Variants in CASP10 observed in about 807,000 individuals in gnomAD.
The protein encoded by CASP10 is caspase 10.
CASP10 carries 41 observed loss-of-function variants against 48.5 expected under a neutral mutation model. That is an observed-to-expected ratio of 0.85 (90% CI 0.66 to 1.10). The LOEUF is 1.10. Among genes scored for constraint, CASP10 ranks in the 50% least tolerant of loss-of-function variants. The probability of loss-of-function intolerance (pLI) is 0.00; values close to 1 mark genes in which losing one functional copy is unlikely to be tolerated. For missense variants in CASP10, 614 were observed against 614.5 expected (o/e 1.00, Z 0.01); for synonymous variants, 232 against 238.4 (o/e 0.97, Z 0.25).
chr2:201,212,515 T>A (rs2126053477), intron 9 of CASP10: 1 of 152,274 alleles, frequency 6.6e-6, no homozygotes, highest in South Asian at 2.1e-4. Flanking sequence ...ATGTATTGGA[T>A]GATGAGAGGA....
chr2:201,218,410 C>A lies in CASP10; in HGVS notation c.*669C>A. The A allele has an allele frequency of 1.2e-6, 1 of 827,436 alleles. No homozygotes were observed. The allele number at this position is 827,436 out of a possible 1,614,324, so 51.3% of individuals were successfully genotyped here. On this transcript the variant is annotated 3_prime_UTR_variant, in exon 10 of 10. Coordinates refer to ENST00000286186, the MANE Select transcript of CASP10 (RefSeq NM_032977.4). Reference sequence around the variant, plus strand: ...CTTGACCTCCCAGGTTCAAGCGATCCTCCCACCTCAGCCTCCCAAGTAGCT... The same window carrying A: ...CTTGACCTCCCAGGTTCAAGCGATCATCCCACCTCAGCCTCCCAAGTAGCT...
chr2:201,216,365 T>A (rs1399838698), intron 9 of CASP10, among the ~76,000 whole-genome samples: 3 of 151,932 alleles, frequency 2.0e-5, no homozygotes, highest in African/African-American at 7.3e-5. Context: ...CGAGATCCTG[T>A]CTCTAACAAA....
downstream of CASP10, among the ~76,000 whole-genome samples, chr2:201,226,253 C>G (rs549676029): frequency 3.0e-4 from 45 of 152,242 alleles, no homozygotes; most frequent in African/African-American, 1.0e-3. Flanking sequence ...AATACAGCCA[C>G]AGTGAGATAG....
chr2:201,221,025 T>C lies in CASP10; in HGVS notation c.*3284T>C, dbSNP rs1192763285. ...GGAAGACGAAAAAGAATGTGTCCTATGTGTGCATCTATTTAAATCTAACTG... is the reference window on the plus strand; with the variant it reads ...GGAAGACGAAAAAGAATGTGTCCTACGTGTGCATCTATTTAAATCTAACTG... On this transcript the variant is annotated 3_prime_UTR_variant, in exon 10 of 10. Transcript: ENST00000286186. The C allele has an allele frequency of 2.0e-6, 2 of 985,334 alleles. No homozygotes were observed. Among genetic ancestry groups the C allele is most frequent in the South Asian group, 4.7e-5 (1 of 21,298 alleles). The allele number at this position is 985,334 out of a possible 1,614,324, so 61.0% of individuals were successfully genotyped here.
intron 9 of CASP10, chr2:201,228,788 G>C: frequency 1.4e-6 from 1 of 707,494 alleles, no homozygotes; most frequent in Non-Finnish European, 2.5e-6. Flanking sequence ...CTCCATTACT[G>C]ATGAGAAATA....
Position 201,220,742 on chromosome 2 carries a change from A to C in CASP10, c.*3001A>C. The C allele has an allele frequency of 3.0e-6, 3 of 985,288 alleles. No individual in the cohort carries two copies. The highest frequency in any genetic ancestry group is 2.4e-6 in the Non-Finnish European group (2 of 829,796). 61.0% of individuals were successfully genotyped at this position (985,288 alleles called of 1,614,324 possible). ...TTTCCTCTTTCTTTAATTCTTACAC[A>C]TGTGTCAGGATGATCTCCCAAAACC... On this transcript the variant is annotated 3_prime_UTR_variant, in exon 10 of 10. Coordinates refer to ENST00000286186, the MANE Select transcript of CASP10 (RefSeq NM_032977.4).
intron 2 of CASP10, 96 bp downstream of exon 2, chr2:201,186,220 G>T: frequency 2.3e-6 from 2 of 862,330 alleles, no homozygotes; most frequent in Non-Finnish European, 3.9e-6. Context: ...AAGATCTTTT[G>T]GTTATCTACC....
chr2:201,187,889 T>A, intron 3 of CASP10, 90 bp downstream of exon 3: 1 of 934,750 alleles, frequency 1.1e-6, no homozygotes, highest in South Asian at 1.3e-5. Context: ...GGAGATTTAT[T>A]TTTTATGGGA....
At chr2:201,223,842 G>A (rs1250544130), downstream of CASP10, among the ~76,000 whole-genome samples, 2 of 152,188 alleles carry the variant, frequency 1.3e-5, no homozygotes, top group African/African-American at 4.8e-5. Context: ...GTGTCACCCA[G>A]GCTGGAGTAC....
chr2:201,200,863 C>A, intron 5 of CASP10: 1 of 545,454 alleles, frequency 1.8e-6, no homozygotes, highest in Non-Finnish European at 2.4e-6. Context: ...TCAATTAATT[C>A]CAATCCTAGA....
chr2:201,224,251 G>A (rs1390088156), downstream of CASP10, among the ~76,000 whole-genome samples: 3 of 151,690 alleles, frequency 2.0e-5, no homozygotes, highest in South Asian at 2.1e-4. Flanking sequence ...GATTACAAGC[G>A]TGAGCCACCG....
At chr2:201,226,885 G>T (rs1285476051) in intron 9 of CASP10, among the ~76,000 whole-genome samples, 1 of 152,028 alleles carries the variant, frequency 6.6e-6, no homozygotes, top group African/African-American at 2.4e-5. Context: ...ATTTCATACA[G>T]TTTAAATATA....
Position 201,217,669 on chromosome 2 carries a change from G to C in CASP10, c.1497G>C (p.Gln499His). ...TGGACAAACAGGGAACAAAGAAACA[G>C]ATGCCCCAGCCTGCTTTCACACTAA... ...RRVDKQGTKK[Q>H]MPQPAFTLRK... is the part of the protein sequence containing the mutation. Residue 499 changes from glutamine (Q) to histidine (H), a missense_variant, in exon 10 of 10, where the codon CAG becomes CAC. By Grantham distance (24) the Gln-to-His change is conservative. Transcript: ENST00000286186. The C allele has an allele frequency of 6.2e-7, 1 of 1,614,206 alleles. No individual in the cohort carries two copies. The highest frequency in any genetic ancestry group is 2.2e-5 in the East Asian group (1 of 44,890).
chr2:201,200,734 G>C (rs536388787), intron 5 of CASP10: 1 of 1,232,692 alleles, frequency 8.1e-7, no homozygotes, highest in Non-Finnish European at 1.0e-6. Context: ...ACCTCCGCCT[G>C]CTTGCTGTGA....
Position 201,220,899 on chromosome 2 carries a change from G to A in CASP10, c.*3158G>A, listed in dbSNP as rs1945704602. 1.0e-6 allele frequency: 1 copy of A among 985,346 alleles called. No homozygotes were observed. The highest frequency in any genetic ancestry group is 1.2e-6 in the Non-Finnish European group (1 of 829,950). The allele number at this position is 985,346 out of a possible 1,614,324, so 61.0% of individuals were successfully genotyped here. On this transcript the variant is annotated 3_prime_UTR_variant, in exon 10 of 10. Transcript: ENST00000286186. ...CAAAGGATCTGGAGATCAAAGCCCT[G>A]CATTTCCATTTTGTCCTGATTCCTT...
At chr2:201,216,985 T>TG (rs1243430922) in intron 9 of CASP10, among the ~76,000 whole-genome samples, 1 of 152,212 alleles carries the variant, frequency 6.6e-6, no homozygotes, top group Non-Finnish European at 1.5e-5. Flanking sequence ...CCTCTGAACT[T>TG]GCAGTGGAAC....
chr2:201,217,212 A>G (rs1431326265), intron 9 of CASP10, among the ~76,000 whole-genome samples: 2 of 152,088 alleles, frequency 1.3e-5, no homozygotes, highest in Non-Finnish European at 2.9e-5. Context: ...GACCTGGTAC[A>G]TGGTACCTGG....
chr2:201,216,147 T>C (rs893688724), intron 9 of CASP10, among the ~76,000 whole-genome samples: 5 of 150,270 alleles, frequency 3.3e-5, no homozygotes, highest in African/African-American at 9.7e-5. Context: ...TTGTTTAATA[T>C]TTATTTAATA....
Position 201,219,807 on chromosome 2 carries a change from A to T in CASP10, c.*2066A>T, listed in dbSNP as rs1945676558. 1.0e-6 allele frequency: 1 copy of T among 984,948 alleles called. No individual in the cohort carries two copies. Among genetic ancestry groups the T allele is most frequent in the East Asian group, 1.1e-4 (1 of 8,808 alleles). 61.0% of individuals were successfully genotyped at this position (984,948 alleles called of 1,614,324 possible). On this transcript the variant is annotated 3_prime_UTR_variant, in exon 10 of 10. Transcript: ENST00000286186. ...AGGTGAGCCCTCATAGGGAGATCCA[A>T]AGTCCTGTGGTTAACGCCTTCATTT...
Sources: gnomAD v4.1 joint callset for allele counts (sites outside exome capture counted in the v4.1 genomes callset) on GRCh38, gnomAD v4.1.1 for gene constraint, MANE v1.5 for transcripts, NCBI Gene and HGNC (gene_info 2026-07-23, HGNC 2026-07-21) for gene names.